CFAP61: variants seen among roughly 807,000 people sequenced by gnomAD.
The protein encoded by CFAP61 is cilia and flagella associated protein 61.
In CFAP61, 107 loss-of-function variants were observed where a neutral mutation model predicts 135.6. The observed-to-expected ratio is 0.79, with a 90% CI of 0.67 to 0.93. The LOEUF is 0.93. CFAP61 is among the 40% of genes least tolerant of loss of function. The probability of loss-of-function intolerance (pLI) is 0.00; values close to 1 mark genes in which losing one functional copy is unlikely to be tolerated. For missense variants in CFAP61, 1,507 were observed against 1,556.2 expected (o/e 0.97, Z 0.53); for synonymous variants, 575 against 578.5 (o/e 0.99, Z 0.09).
chr20:20,155,123 A>G lies in CFAP61; in HGVS notation c.952-4247A>G, dbSNP rs199702253. On this transcript the variant is annotated intron_variant, in intron 9 of 26. Coordinates refer to ENST00000245957, the MANE Select transcript of CFAP61 (RefSeq NM_015585.4). ...AGAGAACCCAGAAATAAAGCCAAAT[A>G]CTTAAGAGCCAACTAATCTTCAACA... Among the ~76,000 whole-genome samples the G allele has an allele frequency of 6.6e-5, 10 of 152,262 alleles. 1 individual carries two copies. In the East Asian group the frequency reaches 1.5e-3, roughly 23 times the overall value.
At chr20:20,157,655 A>T (rs1043889140) in intron 9 of CFAP61, among the ~76,000 whole-genome samples, 1 of 152,214 alleles carries the variant, frequency 6.6e-6, no homozygotes, top group African/African-American at 2.4e-5. Flanking sequence ...ATTCAAACCA[A>T]TATAACCTCT....
At chr20:20,159,525 C>G in intron 10 of CFAP61, 81 bp downstream of exon 10, 1 of 1,219,880 alleles carries the variant, frequency 8.2e-7, no homozygotes, top group Non-Finnish European at 1.2e-6. Flanking sequence ...GATTTGTGCC[C>G]TTTCCTCCTC....
chr20:20,243,974 A>T (rs2050225851), intron 18 of CFAP61, among the ~76,000 whole-genome samples: 1 of 152,176 alleles, frequency 6.6e-6, no homozygotes, highest in African/African-American at 2.4e-5. Flanking sequence ...GGGGCAGTCA[A>T]ATCCTAAAGC....
At chr20:20,311,117 T>C (rs528089627) in intron 25 of CFAP61, among the ~76,000 whole-genome samples, 3 of 152,332 alleles carry the variant, frequency 2.0e-5, no homozygotes, top group African/African-American at 7.2e-5. Context: ...TGAGTGTGGC[T>C]GGCTGAAACA....
intron 16 of CFAP61, among the ~76,000 whole-genome samples, chr20:20,198,920 T>G (rs1313565274): frequency 6.6e-6 from 1 of 152,230 alleles, no homozygotes; most frequent in African/African-American, 2.4e-5. Flanking sequence ...AAATGTATCA[T>G]TAAAAGTTTT....
intron 13 of CFAP61, among the ~76,000 whole-genome samples, chr20:20,184,053 C>T (rs1467716476): frequency 9.9e-5 from 15 of 152,160 alleles, no homozygotes; most frequent in Non-Finnish European, 1.8e-4. Context: ...GGAAGATAAC[C>T]CCATGTCCTA....
chr20:20,159,523 C>T (rs530816952), intron 10 of CFAP61, 79 bp downstream of exon 10: 59 of 1,233,892 alleles, frequency 4.8e-5, no homozygotes, highest in Non-Finnish European at 6.9e-5. Context: ...AGGATTTGTG[C>T]CCTTTCCTCC....
At chr20:20,238,199 G>A (rs901284673) in intron 18 of CFAP61, among the ~76,000 whole-genome samples, 4 of 152,088 alleles carry the variant, frequency 2.6e-5, no homozygotes, top group African/African-American at 9.7e-5. Flanking sequence ...TATTTTGTGT[G>A]GATTTGTTTT....
chr20:20,090,711 AAG>A, intron 6 of CFAP61, 131 bp from the exon 7 acceptor site: 10 of 587,992 alleles, frequency 1.7e-5, no homozygotes, highest in South Asian at 2.8e-5. Flanking sequence ...AAAAAAAAAA[AAG>A]AAGGAAAGTT....
At chr20:20,327,223 C>A (rs2057783685) in intron 25 of CFAP61, among the ~76,000 whole-genome samples, 1 of 152,024 alleles carries the variant, frequency 6.6e-6, no homozygotes, top group Admixed American at 6.6e-5. Flanking sequence ...CTTTCCTCTC[C>A]AATACTTCTA....
intron 15 of CFAP61, among the ~76,000 whole-genome samples, chr20:20,195,214 G>A (rs2056202319): frequency 6.6e-6 from 1 of 152,182 alleles, no homozygotes. Flanking sequence ...AGGGGACCTC[G>A]AGGAGCTTGG....
intron 2 of CFAP61, among the ~76,000 whole-genome samples, chr20:20,060,200 A>G (rs981408579): frequency 6.6e-6 from 1 of 152,206 alleles, no homozygotes; most frequent in Non-Finnish European, 1.5e-5. Flanking sequence ...AATAACATCA[A>G]TTTAGAATTG....
chr20:20,137,496 C>T (rs1209969043), intron 8 of CFAP61, among the ~76,000 whole-genome samples: 1 of 152,160 alleles, frequency 6.6e-6, no homozygotes, highest in Non-Finnish European at 1.5e-5. Flanking sequence ...TCCGTTTTTC[C>T]CATGCAAAGG....
intron 8 of CFAP61, among the ~76,000 whole-genome samples, chr20:20,106,222 G>A (rs1340122981): frequency 1.3e-5 from 2 of 152,014 alleles, no homozygotes; most frequent in East Asian, 1.9e-4. Context: ...CAGGAAGACT[G>A]TAATCCAGAC....
At chr20:20,084,160 A>G (rs2046629606) in intron 6 of CFAP61, among the ~76,000 whole-genome samples, 1 of 152,220 alleles carries the variant, frequency 6.6e-6, no homozygotes, top group African/African-American at 2.4e-5. Context: ...TGCATTCTCT[A>G]TCACTACCAC....
At chr20:20,103,166 G>A (rs1046605400) in intron 8 of CFAP61, among the ~76,000 whole-genome samples, 1 of 152,016 alleles carries the variant, frequency 6.6e-6, no homozygotes. Flanking sequence ...GGTTTATTAA[G>A]TATGTTCTCA....
At chr20:20,285,610 C>T (rs2054523315) in intron 22 of CFAP61, among the ~76,000 whole-genome samples, 1 of 151,938 alleles carries the variant, frequency 6.6e-6, no homozygotes, top group Non-Finnish European at 1.5e-5. Flanking sequence ...TGCAGCTCAC[C>T]CTTTTATAAA....
intron 8 of CFAP61, among the ~76,000 whole-genome samples, chr20:20,141,784 G>A (rs1181657094): frequency 6.6e-6 from 1 of 152,188 alleles, no homozygotes. Context: ...GGAAGCAGAG[G>A]ACCCTGGCTG....
At chr20:20,334,567 A>T (rs1452651685) in intron 25 of CFAP61, among the ~76,000 whole-genome samples, 1 of 152,228 alleles carries the variant, frequency 6.6e-6, no homozygotes, top group Non-Finnish European at 1.5e-5. Context: ...TCTTAGTGCC[A>T]ATGAATTGTA....
Sources: gnomAD v4.1 joint callset for allele counts (sites outside exome capture counted in the v4.1 genomes callset) on GRCh38, gnomAD v4.1.1 for gene constraint, MANE v1.5 for transcripts, NCBI Gene and HGNC (gene_info 2026-07-23, HGNC 2026-07-21) for gene names.